GHR: variants seen among roughly 807,000 people sequenced by gnomAD.
GHR encodes the protein growth hormone receptor, also known as GH receptor.
GHR carries 35 observed loss-of-function variants against 67.1 expected under a neutral mutation model. The observed-to-expected ratio is 0.52, with a 90% CI of 0.40 to 0.69. The LOEUF (loss-of-function observed/expected upper bound fraction) is 0.69, where lower values mean the gene tolerates loss of function less well. Ranked by LOEUF, GHR falls within the 30% of genes least tolerant of loss-of-function variation. The pLI is 0.00. For missense variants in GHR, 792 were observed against 764.6 expected (o/e 1.04, Z -0.42); for synonymous variants, 272 against 269.1 (o/e 1.01, Z -0.10).
At chr5:42,615,291 T>A (rs1431788105) in intron 2 of GHR, among the ~76,000 whole-genome samples, 4 of 152,104 alleles carry the variant, frequency 2.6e-5, no homozygotes, top group African/African-American at 9.7e-5. Flanking sequence ...TTCTTCATGT[T>A]ACTAATTACA....
chr5:42,667,660 G>T (rs1029722257), intron 3 of GHR, among the ~76,000 whole-genome samples: 1 of 152,148 alleles, frequency 6.6e-6, no homozygotes, highest in African/African-American at 2.4e-5. Context: ...CTTAGCTAGC[G>T]GTCAGGTGCC....
intron 1 of GHR, among the ~76,000 whole-genome samples, chr5:42,529,099 C>T (rs923862075): frequency 2.0e-5 from 3 of 151,538 alleles, no homozygotes; most frequent in Admixed American, 1.3e-4. Context: ...GCAAGCTCTG[C>T]CTCCCGGGTT....
At chr5:42,646,641 C>T (rs1447332300) in intron 3 of GHR, among the ~76,000 whole-genome samples, 1 of 152,062 alleles carries the variant, frequency 6.6e-6, no homozygotes, top group East Asian at 1.9e-4. Context: ...GATAGATGTT[C>T]TCTGCATTTG....
intron 6 of GHR, among the ~76,000 whole-genome samples, chr5:42,707,498 C>T (rs1758234491): frequency 6.6e-6 from 1 of 151,928 alleles, no homozygotes; most frequent in Non-Finnish European, 1.5e-5. Context: ...TGAAAAATTA[C>T]ATTGATAATT....
chr5:42,452,762 A>G (rs1394229353), intron 1 of GHR, among the ~76,000 whole-genome samples: 1 of 151,842 alleles, frequency 6.6e-6, no homozygotes, highest in Non-Finnish European at 1.5e-5. Flanking sequence ...TTTCTTTATG[A>G]TATCTATTTC....
intron 4 of GHR, among the ~76,000 whole-genome samples, chr5:42,693,428 C>T (rs1033070903): frequency 1.2e-4 from 18 of 151,992 alleles, no homozygotes; most frequent in African/African-American, 3.9e-4. Context: ...CATGAACCAC[C>T]GTACCCAGCC....
intron 1 of GHR, among the ~76,000 whole-genome samples, chr5:42,449,925 T>A (rs1743974448): frequency 6.6e-6 from 1 of 152,210 alleles, no homozygotes; most frequent in Non-Finnish European, 1.5e-5. Context: ...ATGTGGTGTA[T>A]CACATTTATT....
intron 1 of GHR, among the ~76,000 whole-genome samples, chr5:42,425,311 G>A (rs1742804968): frequency 6.6e-6 from 1 of 152,272 alleles, no homozygotes; most frequent in Non-Finnish European, 1.5e-5. Flanking sequence ...GGACTGGCTG[G>A]TTTCAGAGGT....
At chr5:42,646,795 C>T (rs1754752733) in intron 3 of GHR, among the ~76,000 whole-genome samples, 1 of 152,160 alleles carries the variant, frequency 6.6e-6, no homozygotes, top group Non-Finnish European at 1.5e-5. Context: ...TAGTCACCAC[C>T]AGCATGCTAG....
chr5:42,521,125 A>G (rs1579861738), intron 1 of GHR, among the ~76,000 whole-genome samples: 1 of 152,306 alleles, frequency 6.6e-6, no homozygotes, highest in East Asian at 1.9e-4. Context: ...TTATGGAATG[A>G]TCAGCTGGAT....
intron 3 of GHR, among the ~76,000 whole-genome samples, chr5:42,639,322 G>T (rs1340668234): frequency 1.3e-5 from 2 of 152,098 alleles, no homozygotes; most frequent in East Asian, 1.9e-4. Flanking sequence ...AGGAAATTGT[G>T]CACTTTAAAG....
chr5:42,698,546 C>T (rs1210224320), intron 5 of GHR, among the ~76,000 whole-genome samples: 2 of 152,088 alleles, frequency 1.3e-5, no homozygotes, highest in Non-Finnish European at 2.9e-5. Context: ...CAAATTTTGA[C>T]TCTCCCTGTT....
chr5:42,456,612 A>C (rs910936831), intron 1 of GHR, among the ~76,000 whole-genome samples: 4 of 152,242 alleles, frequency 2.6e-5, no homozygotes, highest in African/African-American at 9.6e-5. Context: ...AATTAAACAA[A>C]GTAAACGAGT....
In GHR at chr5:42,449,577, G is replaced by T. The variant is rs114238122; in HGVS notation, c.-12+25622G>T. Among the ~76,000 whole-genome samples the T allele has an allele frequency of 3.8e-3, 583 of 152,134 alleles. 4 individuals are homozygous for T. Among genetic ancestry groups the T allele is most frequent in the African/African-American group, 0.014 (566 of 41,510 alleles). ...TTTCTAGGTATACAATCATGTCATT[G>T]GTGAACAGTGACAGTTGGACTTCCT... On this transcript the variant is annotated intron_variant, in intron 1 of 9. Transcript: ENST00000230882.
rs796259598 is a variant in GHR, at chr5:42,721,666, T to C, written c.*2242T>C. Reference sequence around the variant, plus strand: ...CAACATTTCTATAGCCAAAAATAGCTAAATACCTCAATCAGTCTCAGAATG... The same window carrying C: ...CAACATTTCTATAGCCAAAAATAGCCAAATACCTCAATCAGTCTCAGAATG... On this transcript the variant is annotated 3_prime_UTR_variant, in exon 10 of 10. Coordinates refer to ENST00000230882, the MANE Select transcript of GHR (RefSeq NM_000163.5). 5.2e-5 allele frequency: 8 copies of C among 152,764 alleles called. No individual in the cohort carries two copies. The highest frequency in any genetic ancestry group is 1.7e-4 in the African/African-American group (7 of 41,582). The allele number at this position is 152,764 out of a possible 1,614,324, so 9.5% of individuals were successfully genotyped here. A position where few individuals can be genotyped will look rare whatever the true frequency, so the allele number is the denominator to read the frequency against.
rs1467458341 is a variant in GHR at position 42,468,164 on chromosome 5, T to G, written c.-12+44209T>G. ...TCCTCTTCTGATCCATCAAGGCCTG[T>G]CTGACGAAACTCCCCTGGGGCCCAG... is the stretch of plus-strand genomic sequence containing the variant. On this transcript the variant is annotated intron_variant, in intron 1 of 9. Transcript: ENST00000230882. 10 of 1,334,748 alleles carry G rather than the reference T, an allele frequency of 7.5e-6. No homozygotes were observed. The African/African-American group carries it at 1.2e-4, about 15-fold the overall frequency. The allele number at this position is 1,334,748 out of a possible 1,614,324, so 82.7% of individuals were successfully genotyped here.
At chr5:42,636,816 T>C (rs546609985) in intron 3 of GHR, among the ~76,000 whole-genome samples, 3 of 152,310 alleles carry the variant, frequency 2.0e-5, no homozygotes, top group East Asian at 3.9e-4. Flanking sequence ...TACCATTAAA[T>C]AGTAGTTCAA....
At chr5:42,659,211 C>T (rs1208220437) in intron 3 of GHR, 1 of 152,156 alleles carries the variant, frequency 6.6e-6, no homozygotes, top group African/African-American at 2.4e-5. Context: ...CAGGGGAAAA[C>T]TGGAGCTTAG....
At chr5:42,439,705 CT>C (rs1432017896) in intron 1 of GHR, among the ~76,000 whole-genome samples, 2 of 151,878 alleles carry the variant, frequency 1.3e-5, no homozygotes, top group East Asian at 3.9e-4. Context: ...GTTGACTTGT[CT>C]TTTAAAAAAT....
Sources: allele counts gnomAD v4.1 joint callset (sites outside exome capture counted in the v4.1 genomes callset), GRCh38; gene constraint gnomAD v4.1.1; transcripts MANE v1.5; gene names NCBI Gene and HGNC (gene_info 2026-07-23, HGNC 2026-07-21).